Variants in EHBP1 observed in about 807,000 individuals in gnomAD.
The protein encoded by EHBP1 is EH domain-binding protein 1.
In EHBP1, 55 loss-of-function variants were observed where a neutral mutation model predicts 144.0. That is an observed-to-expected ratio of 0.38 (90% CI 0.31 to 0.48). The LOEUF (loss-of-function observed/expected upper bound fraction) is 0.48. Ranked by LOEUF, EHBP1 falls within the 20% of genes least tolerant of loss-of-function variation. EHBP1 has a pLI of 0.98. For missense variants in EHBP1, 1,200 were observed against 1,364.2 expected, an observed-to-expected ratio of 0.88 and a Z score of 1.90; for synonymous variants, 469 against 472.7, an observed-to-expected ratio of 0.99 and a Z score of 0.10.
chr2:62,767,750 C>T (rs867840219), intron 4 of EHBP1, among the ~76,000 whole-genome samples: 2 of 150,284 alleles, frequency 1.3e-5, no homozygotes, highest in South Asian at 2.1e-4. Context: ...GTGGGAGGAT[C>T]GCTTGAGCCC....
intron 5 of EHBP1, among the ~76,000 whole-genome samples, chr2:62,798,093 G>T (rs909800984): frequency 1.3e-5 from 2 of 152,222 alleles, no homozygotes; most frequent in Non-Finnish European, 2.9e-5. Context: ...AAGGCCGGGT[G>T]TGGTGGCTCA....
chr2:62,890,772 A>T (rs2052392437), intron 10 of EHBP1, among the ~76,000 whole-genome samples: 1 of 152,244 alleles, frequency 6.6e-6, no homozygotes, highest in South Asian at 2.1e-4. Context: ...AGGAGCATCC[A>T]AATAGGAAGA....
intron 19 of EHBP1, among the ~76,000 whole-genome samples, chr2:63,008,621 T>TC (rs1182267407): frequency 2.0e-5 from 3 of 150,946 alleles, no homozygotes; most frequent in African/African-American, 7.3e-5. Flanking sequence ...GGTTTTTTTT[T>TC]CTTTTTTTTT....
At chr2:62,886,642 T>G (rs576734213) in intron 10 of EHBP1, among the ~76,000 whole-genome samples, 2 of 152,350 alleles carry the variant, frequency 1.3e-5, no homozygotes, top group Non-Finnish European at 2.9e-5. Context: ...AAGCTTGGCT[T>G]CAGGAACAAC....
Position 62,707,296 on chromosome 2 carries a change from G to C in EHBP1, c.104+1G>C. The C allele has an allele frequency of 3.7e-6, 6 of 1,611,318 alleles. No individual in the cohort carries two copies. The highest frequency in any genetic ancestry group is 5.1e-6 in the Non-Finnish European group (6 of 1,177,438). On this transcript the variant is annotated splice_donor_variant, in intron 2 of 22. Coordinates refer to ENST00000431489, the MANE Select transcript of EHBP1 (RefSeq NM_001142616.3). LOFTEE classifies it high-confidence loss of function. The stretch of plus-strand genomic sequence containing the variant: ...TCATGGTTGAGTGTACGAAGAAATG[G>C]TAAGATGTACCTGGAGGTAGATTTT...
chr2:63,045,340 G>C lies in EHBP1; in HGVS notation c.3393-70G>C. On this transcript the variant is annotated intron_variant, in intron 22 of 22. Transcript: ENST00000431489. The surrounding 1 kb of genome is among the most constrained non-coding windows in gnomAD (Gnocchi z 5.7). ...GGGATCCAAATACTGGGCGACGGGG[G>C]AGTGCTGCTCTGCCCTCCACGAAGA... 1 of 1,482,392 alleles carries C rather than the reference G, an allele frequency of 6.7e-7. No individual in the cohort carries two copies. Among genetic ancestry groups the C allele is most frequent in the South Asian group, 1.2e-5 (1 of 86,706 alleles). The allele number at this position is 1,482,392 out of a possible 1,614,324, so 91.8% of individuals were successfully genotyped here.
At chr2:62,981,087 AAAAG>A (rs2058947835) in intron 15 of EHBP1, among the ~76,000 whole-genome samples, 2 of 150,714 alleles carry the variant, frequency 1.3e-5, no homozygotes, top group Non-Finnish European at 3.0e-5. Flanking sequence ...AAAAAAAAAA[AAAAG>A]AATTCTTCAT....
chr2:63,012,735 T>G (rs578022966), intron 19 of EHBP1, among the ~76,000 whole-genome samples: 2 of 152,304 alleles, frequency 1.3e-5, no homozygotes, highest in Non-Finnish European at 2.9e-5. Context: ...AATGGTTCTT[T>G]GAGAATGTGC....
chr2:62,938,461 T>G (rs991998324), intron 10 of EHBP1, among the ~76,000 whole-genome samples: 1 of 152,212 alleles, frequency 6.6e-6, no homozygotes, highest in African/African-American at 2.4e-5. Flanking sequence ...TATTAAAATT[T>G]AAGAAAATTT....
intron 5 of EHBP1, among the ~76,000 whole-genome samples, chr2:62,773,774 C>T (rs1573271070): frequency 7.4e-6 from 1 of 134,590 alleles, no homozygotes; most frequent in Non-Finnish European, 1.5e-5. Flanking sequence ...TTGCTTGAAC[C>T]AGGGAGATGG....
chr2:62,948,176 A>G, intron 12 of EHBP1, 84 bp from the exon 13 acceptor site: 1 of 1,299,312 alleles, frequency 7.7e-7, no homozygotes, highest in Non-Finnish European at 1.0e-6. Context: ...TACCCAAACA[A>G]CAAAAATTAA....
intron 3 of EHBP1, among the ~76,000 whole-genome samples, chr2:62,755,253 G>A (rs2040169273): frequency 6.6e-6 from 1 of 152,170 alleles, no homozygotes; most frequent in South Asian, 2.1e-4. Context: ...ATGTAAAATA[G>A]TACAGTAGTA....
At chr2:62,771,763 CATCTAAACATGT>C (rs2041682402) in intron 5 of EHBP1, 1 of 152,536 alleles carries the variant, frequency 6.6e-6, no homozygotes. Context: ...AGCAGATACT[CATCTAAACATGT>C]GTTGGATGGA....
chr2:62,838,786 A>G (rs1573629572), intron 7 of EHBP1, among the ~76,000 whole-genome samples: 1 of 148,184 alleles, frequency 6.7e-6, no homozygotes, highest in East Asian at 2.0e-4. Flanking sequence ...CCAAGACTAA[A>G]CCAGGAAGAA....
At chr2:63,042,009 A>G (rs1305381118) in intron 21 of EHBP1, among the ~76,000 whole-genome samples, 3 of 152,216 alleles carry the variant, frequency 2.0e-5, no homozygotes, top group South Asian at 2.1e-4. Flanking sequence ...TAAACTAACA[A>G]AACAGCTCAG....
Position 62,888,996 on chromosome 2 carries a change from G to A in EHBP1, c.1185+14464G>A, listed in dbSNP as rs549768364. On this transcript the variant is annotated intron_variant, in intron 10 of 22. Transcript: ENST00000431489. ...CTGGAGGCATGCAAGTACAAACTTGGCACTTAAACAAACCGAAGAGTGTCT... is the reference window on the plus strand; with the variant it reads ...CTGGAGGCATGCAAGTACAAACTTGACACTTAAACAAACCGAAGAGTGTCT... Among the ~76,000 whole-genome samples, 12 of 147,374 alleles carry A rather than the reference G, an allele frequency of 8.1e-5. No individual in the cohort carries two copies. In the South Asian group the frequency reaches 2.6e-3, roughly 32 times the overall value.
chr2:62,782,331 A>G (rs2042487593), intron 5 of EHBP1, among the ~76,000 whole-genome samples: 1 of 152,218 alleles, frequency 6.6e-6, no homozygotes, highest in Non-Finnish European at 1.5e-5. Context: ...GACTGAAATT[A>G]TCAACAATGT....
chr2:62,738,098 A>T (rs1343274734), intron 2 of EHBP1, among the ~76,000 whole-genome samples: 1 of 152,014 alleles, frequency 6.6e-6, no homozygotes, highest in Non-Finnish European at 1.5e-5. Flanking sequence ...CCTAATGGGT[A>T]TGAAGTGGTA....
At chr2:62,862,351 G>C (rs2049634766) in intron 8 of EHBP1, among the ~76,000 whole-genome samples, 1 of 152,212 alleles carries the variant, frequency 6.6e-6, no homozygotes, top group South Asian at 2.1e-4. Context: ...GCTCACACCT[G>C]TAATCCCAGC....
Sources: allele counts gnomAD v4.1 joint callset (sites outside exome capture counted in the v4.1 genomes callset), GRCh38; gene constraint gnomAD v4.1.1; non-coding constraint Gnocchi (gnomAD v3.1); transcripts MANE v1.5; gene names NCBI Gene and HGNC (gene_info 2026-07-23, HGNC 2026-07-21).